Variants in KANK4 observed in about 807,000 individuals in gnomAD.
KANK4 encodes the protein KN motif and ankyrin repeat domains 4.
In KANK4, 50 loss-of-function variants were observed where a neutral mutation model predicts 80.8. The observed-to-expected ratio is 0.62, with a 90% confidence interval of 0.49 to 0.78. The LOEUF (loss-of-function observed/expected upper bound fraction) is 0.78, where lower values mean the gene tolerates loss of function less well. KANK4 is among the 30% of genes least tolerant of loss of function. The pLI, the probability that KANK4 is intolerant of heterozygous loss-of-function variation, is 0.00. For missense variants in KANK4, 1,196 were observed against 1,240.1 expected (o/e 0.96, Z 0.53); for synonymous variants, 465 against 506.9 (o/e 0.92, Z 1.11).
At chr1:62,252,565 T>G (rs1671648321) in intron 8 of KANK4, among the ~76,000 whole-genome samples, 1 of 152,254 alleles carries the variant, frequency 6.6e-6, no homozygotes, top group Non-Finnish European at 1.5e-5. Context: ...CAGCCAGTGC[T>G]TCTGTCTGCC....
At chr1:62,307,059 AG>A (rs1364429653) in intron 1 of KANK4, among the ~76,000 whole-genome samples, 3 of 152,232 alleles carry the variant, frequency 2.0e-5, no homozygotes, top group Non-Finnish European at 4.4e-5. Flanking sequence ...GAAAGCAAAC[AG>A]GCCTACCCGT....
chr1:62,258,362 T>G (rs1671798831), intron 7 of KANK4, among the ~76,000 whole-genome samples: 1 of 152,242 alleles, frequency 6.6e-6, no homozygotes, highest in Admixed American at 6.5e-5. Context: ...ATGCTCCATT[T>G]AATTATGTGC....
intron 1 of KANK4, among the ~76,000 whole-genome samples, chr1:62,297,295 T>A (rs1003125857): frequency 1.4e-5 from 1 of 70,476 alleles, no homozygotes. Context: ...TAATAATAAT[T>A]ATTATTGCTA....
chr1:62,283,277 G>A (rs1258279292), intron 1 of KANK4, among the ~76,000 whole-genome samples: 5 of 152,198 alleles, frequency 3.3e-5, no homozygotes, highest in East Asian at 3.9e-4. Context: ...ACTAAGCAAC[G>A]GGCAGAGCTG....
chr1:62,279,464 C>T (rs1672404925), intron 2 of KANK4, among the ~76,000 whole-genome samples: 1 of 152,184 alleles, frequency 6.6e-6, no homozygotes, highest in African/African-American at 2.4e-5. Context: ...GTTAGGAAGA[C>T]CTGACTCTGT....
intron 1 of KANK4, among the ~76,000 whole-genome samples, chr1:62,297,647 C>T (rs968897331): frequency 8.5e-5 from 13 of 152,104 alleles, no homozygotes; most frequent in African/African-American, 2.4e-4. Context: ...AAACATCAGG[C>T]GATTATTAAA....
rs778922881 is a variant in KANK4, at chr1:62,273,766, C to A, written c.1338G>T (p.Gly446=). ...GGAGGCCATTCTCCTCTCCTCGGTG[C>A]CCCCAGCTTTCAGACTCCATGCTGC... is the stretch of plus-strand genomic sequence containing the variant. ...LLGSMESESW[G]HRGEENGLLW... The change falls in exon 3 of 10, where the codon GGG becomes GGT. Residue 446 remains glycine (G), a synonymous_variant. Coordinates refer to ENST00000371153, the MANE Select transcript of KANK4 (RefSeq NM_181712.5). 3.1e-6 allele frequency: 5 copies of A among 1,613,964 alleles called. No homozygotes were observed. The highest frequency in any genetic ancestry group is 4.2e-6 in the Non-Finnish European group (5 of 1,180,012).
intron 3 of KANK4, 141 bp from the exon 4 acceptor site, chr1:62,271,730 C>T: frequency 1.1e-5 from 7 of 624,726 alleles, no homozygotes; most frequent in Non-Finnish European, 1.7e-5. Context: ...TCATGTAAAT[C>T]AATGTTTTGG....
intron 1 of KANK4, among the ~76,000 whole-genome samples, chr1:62,302,630 G>A (rs543064668): frequency 6.6e-6 from 1 of 152,028 alleles, no homozygotes; most frequent in African/African-American, 2.4e-5. Context: ...GTGCTCCCTG[G>A]CCTCTTCCAC....
rs555786382 is a variant in KANK4, at chr1:62,299,570, C to T, written c.-70-17936G>A. On this transcript the variant is annotated intron_variant, in intron 1 of 9. Transcript: ENST00000371153. ...GAAAAATCAGGCACAAGAGAAGGGG[C>T]GGGACCAGGTTCCAAAAGGATTTAG... Among the ~76,000 whole-genome samples the T allele has an allele frequency of 3.9e-5, 6 of 152,196 alleles. No individual in the cohort carries two copies. In the East Asian group the frequency reaches 9.7e-4, roughly 25 times the overall value.
In KANK4 at chr1:62,273,890, T is replaced by C. The variant is rs187948256; in HGVS notation, c.1214A>G (p.Asp405Gly). 1.4e-5 allele frequency: 22 copies of C among 1,614,160 alleles called. No homozygotes were observed. The highest frequency in any genetic ancestry group is 8.5e-7 in the Non-Finnish European group (1 of 1,180,014). ...EGQFHQENAK[D>G]TQGQTDVMVN... ...CATCACGTCCGTCTGGCCCTGAGTG[T>C]CTTTGGCGTTCTCTTGGTGAAACTG... Residue 405 changes from aspartate to glycine, a missense_variant, in exon 3 of 10, where the codon GAC becomes GGC. This residue lies in a region of KANK4 where 1,154 missense variants were observed against 1,179.6 expected (regional missense o/e 0.98). Coordinates refer to ENST00000371153, the MANE Select transcript of KANK4 (RefSeq NM_181712.5).
chr1:62,271,808 C>A (rs1436586910), intron 3 of KANK4: 2 of 484,200 alleles, frequency 4.1e-6, no homozygotes, highest in Non-Finnish European at 3.8e-6. Context: ...CAATGCCCCT[C>A]TAAGTGTGGA....
At chr1:62,309,411 C>G (rs998688453) in intron 1 of KANK4, among the ~76,000 whole-genome samples, 4 of 152,178 alleles carry the variant, frequency 2.6e-5, no homozygotes, top group Non-Finnish European at 4.4e-5. Flanking sequence ...CCCAGGCAGA[C>G]CTGGTAGCAT....
intron 2 of KANK4, 140 bp downstream of exon 2, chr1:62,281,409 T>C (rs1287023318): frequency 3.0e-6 from 3 of 1,015,446 alleles, no homozygotes; most frequent in Admixed American, 1.7e-5. Flanking sequence ...CTGAAATACA[T>C]GCTTGAGCCT....
chr1:62,247,383 T>G (rs1410443236), intron 9 of KANK4, 89 bp downstream of exon 9: 1 of 1,146,748 alleles, frequency 8.7e-7, no homozygotes, highest in African/African-American at 1.6e-5. Context: ...CAAGTGATCC[T>G]CCCGCCTCAG....
intron 1 of KANK4, among the ~76,000 whole-genome samples, chr1:62,287,547 C>A (rs1672596671): frequency 6.6e-6 from 1 of 152,216 alleles, no homozygotes; most frequent in East Asian, 1.9e-4. Flanking sequence ...ACTTTCCGTC[C>A]TGTGTCTCAT....
intron 9 of KANK4, 31 bp from the exon 10 acceptor site, chr1:62,238,412 TATC>T: frequency 1.9e-6 from 3 of 1,591,836 alleles, no homozygotes; most frequent in Non-Finnish European, 2.6e-6. Context: ...AAGAAATAAA[TATC>T]ATCCAATCTG....
chr1:62,271,906 G>A (rs1451335846), intron 3 of KANK4: 1 of 308,160 alleles, frequency 3.2e-6, no homozygotes, highest in Non-Finnish European at 6.4e-6. Flanking sequence ...GAATGGGAGT[G>A]TAGGAGCAGA....
Position 62,274,765 on chromosome 1 carries a change from A to G in KANK4, c.339T>C (p.Gly113=). 6.2e-7 allele frequency: 1 copy of G among 1,613,998 alleles called. No homozygotes were observed. The highest frequency in any genetic ancestry group is 1.1e-5 in the South Asian group (1 of 91,064). Residue 113 remains glycine, a synonymous_variant, in exon 3 of 10, where the codon GGT becomes GGC. Coordinates refer to ENST00000371153, the MANE Select transcript of KANK4 (RefSeq NM_181712.5). ...TQEQNQSPPL[G]NAPQASTSRS... ...TGCTTGTTGAGGCCTGGGGGGCATT[A>G]CCAAGCGGTGGTGACTGGTTTTGCT... is the stretch of plus-strand genomic sequence containing the variant.
Sources: gnomAD v4.1 joint callset for allele counts (sites outside exome capture counted in the v4.1 genomes callset) on GRCh38, gnomAD v4.1.1 for gene constraint, gnomAD v4.1.1 regional missense constraint, MANE v1.5 for transcripts, NCBI Gene and HGNC (gene_info 2026-07-23, HGNC 2026-07-21) for gene names.